DLGAP2: variants seen among roughly 807,000 people sequenced by gnomAD.
DLGAP2 encodes DLG associated protein 2, also known as disks large-associated protein 2.
Under a neutral mutation model 100.3 loss-of-function variants are expected in DLGAP2, and 26 were observed. That is an observed-to-expected ratio of 0.26 (90% CI 0.19 to 0.36). The LOEUF is 0.36. DLGAP2 is among the 10% of genes least tolerant of loss of function. DLGAP2 has a pLI of 1.00. For synonymous variants in DLGAP2, 886 were observed against 630.1 expected (o/e 1.41, Z -6.08); for missense variants, 1,858 against 1,453.2 (o/e 1.28, Z -4.53).
intron 1 of DLGAP2, among the ~76,000 whole-genome samples, chr8:771,308 T>C (rs1427352503): frequency 6.6e-6 from 1 of 152,238 alleles, no homozygotes; most frequent in African/African-American, 2.4e-5. Flanking sequence ...AGGCATTTTG[T>C]AAAAGGATCG....
At chr8:808,301 G>T (rs941328366) in intron 1 of DLGAP2, among the ~76,000 whole-genome samples, 2 of 152,190 alleles carry the variant, frequency 1.3e-5, no homozygotes, top group African/African-American at 4.8e-5. Context: ...GGGGGCCTGT[G>T]CACCACGCCA....
chr8:1,638,928 G>A (rs144959304), intron 8 of DLGAP2, among the ~76,000 whole-genome samples: 16 of 152,244 alleles, frequency 1.1e-4, no homozygotes, highest in Non-Finnish European at 1.9e-4. Context: ...TGATGCTGTT[G>A]CAGCCCAGAG....
chr8:1,497,955 G>A (rs1166348614), intron 3 of DLGAP2, among the ~76,000 whole-genome samples: 3 of 152,208 alleles, frequency 2.0e-5, no homozygotes, highest in Admixed American at 2.0e-4. Context: ...CTGAGAACAT[G>A]TGTCCAGTGT....
At chr8:1,211,592 G>C (rs1170756559) in intron 2 of DLGAP2, among the ~76,000 whole-genome samples, 1 of 152,206 alleles carries the variant, frequency 6.6e-6, no homozygotes, top group Non-Finnish European at 1.5e-5. Flanking sequence ...ATACTGATTT[G>C]TGTCCAGGCA....
intron 1 of DLGAP2, among the ~76,000 whole-genome samples, chr8:837,804 C>T (rs1228449182): frequency 1.3e-5 from 2 of 150,628 alleles, no homozygotes; most frequent in Admixed American, 6.6e-5. Flanking sequence ...GCAACTTCTG[C>T]CTCCCGGGTT....
intron 2 of DLGAP2, among the ~76,000 whole-genome samples, chr8:994,144 G>A (rs1004891839): frequency 6.6e-6 from 1 of 152,100 alleles, no homozygotes; most frequent in Non-Finnish European, 1.5e-5. Flanking sequence ...ATTATTATTG[G>A]GGAGTTTTGC....
intron 1 of DLGAP2, among the ~76,000 whole-genome samples, chr8:907,100 C>G (rs545784179): frequency 7.2e-5 from 11 of 152,256 alleles, no homozygotes; most frequent in Middle Eastern, 6.8e-3. Context: ...TGTTTCTTTG[C>G]AACAGCCTCT....
chr8:1,623,324 T>C (rs568422669), intron 6 of DLGAP2, among the ~76,000 whole-genome samples: 11 of 151,224 alleles, frequency 7.3e-5, no homozygotes, highest in African/African-American at 2.4e-4. Context: ...CACCAGTGTG[T>C]GATGACCTGG....
chr8:1,286,937 C>G (rs1799934041), intron 3 of DLGAP2, among the ~76,000 whole-genome samples: 1 of 152,198 alleles, frequency 6.6e-6, no homozygotes, highest in Non-Finnish European at 1.5e-5. Flanking sequence ...CTTGAACTGG[C>G]CATCAGCAAG....
chr8:1,082,771 C>T (rs1235221849), intron 2 of DLGAP2, among the ~76,000 whole-genome samples: 2 of 152,168 alleles, frequency 1.3e-5, no homozygotes, highest in African/African-American at 4.8e-5. Context: ...AGGAACAAAA[C>T]ACTACTTTGT....
At chr8:1,668,229 C>A in intron 8 of DLGAP2, 100 bp from the exon 9 acceptor site, 1 of 1,150,880 alleles carries the variant, frequency 8.7e-7, no homozygotes, top group Middle Eastern at 2.5e-4. Flanking sequence ...CAGGAACAGA[C>A]TTGCTCCGTC....
chr8:1,601,338 G>A (rs1395454386), intron 6 of DLGAP2, among the ~76,000 whole-genome samples: 2 of 152,210 alleles, frequency 1.3e-5, no homozygotes, highest in African/African-American at 4.8e-5. Context: ...TCCCCATCAG[G>A]AGACAAGAGG....
At chr8:1,255,086 TC>T (rs1799159509) in intron 2 of DLGAP2, among the ~76,000 whole-genome samples, 2 of 133,166 alleles carry the variant, frequency 1.5e-5, no homozygotes, top group African/African-American at 5.7e-5. Flanking sequence ...TGTGTGTGTG[TC>T]CTCTCATCCT....
intron 2 of DLGAP2, among the ~76,000 whole-genome samples, chr8:1,009,215 C>T (rs987167768): frequency 2.0e-5 from 3 of 152,326 alleles, no homozygotes; most frequent in East Asian, 3.9e-4. Context: ...TTCTGTCCCC[C>T]AAAACTCTCC....
chr8:916,367 G>C (rs781184864), intron 2 of DLGAP2, among the ~76,000 whole-genome samples: 7 of 152,202 alleles, frequency 4.6e-5, no homozygotes, highest in African/African-American at 7.2e-5. Context: ...ATGAGTTCTT[G>C]TCCTTTTTAG....
intron 2 of DLGAP2, among the ~76,000 whole-genome samples, chr8:1,174,353 AC>A (rs967024376): frequency 1.1e-4 from 16 of 151,826 alleles, no homozygotes; most frequent in African/African-American, 3.9e-4. Context: ...CACCATCATT[AC>A]CATCACCAAA....
intron 1 of DLGAP2, among the ~76,000 whole-genome samples, chr8:894,452 A>T (rs1798099496): frequency 1.3e-5 from 2 of 152,034 alleles, no homozygotes; most frequent in South Asian, 4.1e-4. Context: ...GCCTTAAAAA[A>T]GAATGAAATC....
intron 3 of DLGAP2, among the ~76,000 whole-genome samples, chr8:1,417,686 C>T (rs1796956441): frequency 2.1e-5 from 3 of 142,650 alleles, no homozygotes; most frequent in Non-Finnish European, 4.6e-5. Context: ...TCCAGGGGGG[C>T]ACAGGGGGCC....
intron 8 of DLGAP2, among the ~76,000 whole-genome samples, chr8:1,638,705 G>A (rs900904759): frequency 9.2e-5 from 14 of 152,144 alleles, no homozygotes; most frequent in African/African-American, 3.1e-4. Flanking sequence ...GAGGCCTCCT[G>A]CCCCAGCCGT....
Sources: gnomAD v4.1 joint callset for allele counts (sites outside exome capture counted in the v4.1 genomes callset) on GRCh38, gnomAD v4.1.1 for gene constraint, MANE v1.5 for transcripts, NCBI Gene and HGNC (gene_info 2026-07-23, HGNC 2026-07-21) for gene names.